Variants in RNF144B observed in about 807,000 individuals in gnomAD.
The protein encoded by RNF144B is ring finger protein 144B.
A neutral mutation model predicts 40.2 loss-of-function variants in RNF144B; 25 were observed. The ratio of observed to expected loss-of-function variants is 0.62; its 90% CI spans 0.45 to 0.87. RNF144B has a LOEUF of 0.87. Ranked by LOEUF, RNF144B falls within the 40% of genes least tolerant of loss-of-function variation. The pLI, the probability that RNF144B is intolerant of heterozygous loss-of-function variation, is 0.00. For missense variants in RNF144B, 365 were observed against 373.7 expected, an observed-to-expected ratio of 0.98 and a Z score of 0.19; for synonymous variants, 145 against 136.3, an observed-to-expected ratio of 1.06 and a Z score of -0.44.
In RNF144B at chr6:18,465,589, G is replaced by C. The variant is rs1456262960; in HGVS notation, c.*522G>C. 6.5e-6 allele frequency: 1 copy of C among 152,800 alleles called. No homozygotes were observed. The highest frequency in any genetic ancestry group is 2.4e-5 in the African/African-American group (1 of 41,460). The allele number at this position is 152,800 out of a possible 1,614,324, so 9.5% of individuals were successfully genotyped here. On this transcript the variant is annotated 3_prime_UTR_variant, in exon 8 of 8. Transcript: ENST00000259939. ...GCTGATCTCAGCAGTTGATATGGTG[G>C]TTGTGCCTCTGCTGGCTACTGGGTG...
chr6:18,403,180 G>A (rs1181819810), intron 2 of RNF144B, among the ~76,000 whole-genome samples: 1 of 152,134 alleles, frequency 6.6e-6, no homozygotes, highest in East Asian at 1.9e-4. Flanking sequence ...TTTGCAATGC[G>A]TTCTTTCAGA....
In RNF144B at chr6:18,395,343, G is replaced by C. The variant is rs1192201333; in HGVS notation, c.-36-4156G>C. Among the ~76,000 whole-genome samples, 1 of 152,152 alleles carries C rather than the reference G, an allele frequency of 6.6e-6. No homozygotes were observed. The highest frequency in any genetic ancestry group is 6.5e-5 in the Admixed American group (1 of 15,280). ...ATGGGAGGGACAGGAGGAGCTGGGA[G>C]TGTGTTATCAAATGCCCTGAGCTTC... On this transcript the variant is annotated intron_variant, in intron 1 of 7. Transcript: ENST00000259939. The surrounding 1 kb of genome is among the most constrained non-coding windows in gnomAD (Gnocchi z 4.5).
In RNF144B at chr6:18,415,275, C is replaced by T. The variant is rs181216628; in HGVS notation, c.166-12306C>T. On this transcript the variant is annotated intron_variant, in intron 2 of 7. Transcript: ENST00000259939. ...TTTTGTGTTGATATAACAAAATACG[C>T]GAGACTAGGTAATTTATCAACAACA... Among the ~76,000 whole-genome samples, 469 of 152,208 alleles carry T rather than the reference C, an allele frequency of 3.1e-3. 2 individuals are homozygous for T. The highest frequency in any genetic ancestry group is 0.01 in the Middle Eastern group (3 of 294).
intron 4 of RNF144B, among the ~76,000 whole-genome samples, chr6:18,453,914 A>G (rs1396366274): frequency 6.6e-6 from 1 of 152,214 alleles, no homozygotes; most frequent in Non-Finnish European, 1.5e-5. Context: ...ATGCCTGCCT[A>G]AAAGTGACTT....
intron 1 of RNF144B, 88 bp from the exon 2 acceptor site, chr6:18,399,411 G>A: frequency 9.6e-6 from 9 of 937,150 alleles, no homozygotes; most frequent in Non-Finnish European, 1.4e-5. Flanking sequence ...CTGAGGGTGA[G>A]AATTTGATCA....
At chr6:18,436,344 G>A (rs515750) in intron 3 of RNF144B, among the ~76,000 whole-genome samples, 31,983 of 152,080 alleles carry the variant, frequency 0.21, 3,393 homozygotes, top group East Asian at 0.25. Flanking sequence ...TACCTGGATT[G>A]GATCTTAGAC....
At position 18,446,397 on chromosome 6, in the gene RNF144B, A is replaced by C. The variant is rs1380054562; in HGVS notation, c.331+6653A>C. ...CTGTGCTCAGATATCTTTTCAGTGG[A>C]ATCTGGCCAGATTTCTATGTCTGGA... On this transcript the variant is annotated intron_variant, in intron 4 of 7. Coordinates refer to ENST00000259939, the MANE Select transcript of RNF144B (RefSeq NM_182757.4). This position sits in a 1 kb window ranked among gnomAD's most constrained non-coding sequence, Gnocchi z 4.7. 6.6e-6 allele frequency among the ~76,000 whole-genome samples: 1 copy of C among 152,048 alleles called. No individual in the cohort carries two copies. The highest frequency in any genetic ancestry group is 1.5e-5 in the Non-Finnish European group (1 of 68,000).
At position 18,406,858 on chromosome 6, in the gene RNF144B, G is replaced by A. The variant is rs1582405354; in HGVS notation, c.165+7159G>A. 6.6e-6 allele frequency among the ~76,000 whole-genome samples: 1 copy of A among 152,102 alleles called. No homozygotes were observed. The highest frequency in any genetic ancestry group is 1.9e-4 in the East Asian group (1 of 5,194). On this transcript the variant is annotated intron_variant, in intron 2 of 7. Transcript: ENST00000259939. This position sits in a 1 kb window ranked among gnomAD's most constrained non-coding sequence, Gnocchi z 4.2. ...ATACCTGAGATCTATAAAGGAAGGA[G>A]GTTTAATTGACTCACAGTTCTGCAT...
chr6:18,464,100 C>T lies in RNF144B; in HGVS notation c.771+720C>T, dbSNP rs984337472. The stretch of plus-strand genomic sequence containing the variant: ...AGGCAGTGCTCTAAAACCCTGTGAG[C>T]CCCTTCTAGGGCTTAGATCCCTGTG... On this transcript the variant is annotated intron_variant, in intron 7 of 7. Coordinates refer to ENST00000259939, the MANE Select transcript of RNF144B (RefSeq NM_182757.4). The surrounding 1 kb of genome is among the most constrained non-coding windows in gnomAD (Gnocchi z 6.1). 6.6e-6 allele frequency among the ~76,000 whole-genome samples: 1 copy of T among 152,142 alleles called. No individual in the cohort carries two copies. The highest frequency in any genetic ancestry group is 1.5e-5 in the Non-Finnish European group (1 of 68,024).
At position 18,405,378 on chromosome 6, in the gene RNF144B, T is replaced by C. The variant is rs1794883144; in HGVS notation, c.165+5679T>C. 6.6e-6 allele frequency among the ~76,000 whole-genome samples: 1 copy of C among 152,016 alleles called. No homozygotes were observed. The highest frequency in any genetic ancestry group is 2.4e-5 in the African/African-American group (1 of 41,384). The stretch of plus-strand genomic sequence containing the variant: ...TTTTAGTTGAGTTGGGGTTTCACTA[T>C]GTAGGTCAGGCTGGTCTTGAACTCC... On this transcript the variant is annotated intron_variant, in intron 2 of 7. Coordinates refer to ENST00000259939, the MANE Select transcript of RNF144B (RefSeq NM_182757.4). This position sits in a 1 kb window ranked among gnomAD's most constrained non-coding sequence, Gnocchi z 4.5.
chr6:18,438,969 G>T (rs1758888153), intron 3 of RNF144B, among the ~76,000 whole-genome samples: 1 of 152,162 alleles, frequency 6.6e-6, no homozygotes, highest in Non-Finnish European at 1.5e-5. Context: ...TTTAAGAGCA[G>T]TTAGCTTTTC....
chr6:18,465,177 T>A lies in RNF144B; in HGVS notation c.*110T>A. 1.3e-5 allele frequency: 15 copies of A among 1,139,500 alleles called. No homozygotes were observed. The highest frequency in any genetic ancestry group is 1.9e-5 in the Non-Finnish European group (15 of 797,346). 70.6% of individuals were successfully genotyped at this position (1,139,500 alleles called of 1,614,324 possible). A position where few individuals can be genotyped will look rare whatever the true frequency, so the allele number is the denominator to read the frequency against. ...TCTCCTTGCCAACTTTGAAAGTGCC[T>A]CCGTGTCCAGACTTTGAACTTGCCT... On this transcript the variant is annotated 3_prime_UTR_variant, in exon 8 of 8. Transcript: ENST00000259939.
At chr6:18,407,930 A>G (rs1003250367) in intron 2 of RNF144B, among the ~76,000 whole-genome samples, 2 of 148,930 alleles carry the variant, frequency 1.3e-5, no homozygotes, top group Non-Finnish European at 3.0e-5. Context: ...GAATTTCCTC[A>G]TTTGTAAAAA....
At chr6:18,439,296 A>G (rs1437578174) in intron 3 of RNF144B, among the ~76,000 whole-genome samples, 2 of 152,178 alleles carry the variant, frequency 1.3e-5, no homozygotes, top group Non-Finnish European at 2.9e-5. Flanking sequence ...TCAGGATTCC[A>G]AAGCTAGAAC....
In RNF144B at chr6:18,460,834, T is replaced by C. The variant is rs1759435456; in HGVS notation, c.681+1083T>C. Among the ~76,000 whole-genome samples, 2 of 152,198 alleles carry C rather than the reference T, an allele frequency of 1.3e-5. No homozygotes were observed. The highest frequency in any genetic ancestry group is 2.1e-4 in the South Asian group (1 of 4,832). On this transcript the variant is annotated intron_variant, in intron 6 of 7. Transcript: ENST00000259939. The surrounding 1 kb of genome is among the most constrained non-coding windows in gnomAD (Gnocchi z 4.4). Reference sequence around the variant, plus strand: ...GATGCAAAGAGTTGGTGAGAAGGTCTTACTTCACTTCTGGTCTTTTAAAGT... The same window carrying C: ...GATGCAAAGAGTTGGTGAGAAGGTCCTACTTCACTTCTGGTCTTTTAAAGT...
At position 18,406,034 on chromosome 6, in the gene RNF144B, G is replaced by A; in HGVS notation, c.165+6335G>A. The A allele has an allele frequency of 1.9e-6, 1 of 518,720 alleles. No individual in the cohort carries two copies. Among genetic ancestry groups the A allele is most frequent in the Non-Finnish European group, 3.8e-6 (1 of 259,748 alleles). 32.1% of individuals were successfully genotyped at this position (518,720 alleles called of 1,614,324 possible). The stretch of plus-strand genomic sequence containing the variant: ...TGGCATTTAAGAGAATGGGTCTCAA[G>A]TTTGGTAGCTTAGGCTTTATTTATT... On this transcript the variant is annotated intron_variant, in intron 2 of 7. Coordinates refer to ENST00000259939, the MANE Select transcript of RNF144B (RefSeq NM_182757.4). The surrounding 1 kb of genome is among the most constrained non-coding windows in gnomAD (Gnocchi z 4.2).
intron 1 of RNF144B, among the ~76,000 whole-genome samples, chr6:18,390,356 G>A (rs933385606): frequency 1.3e-5 from 2 of 152,044 alleles, no homozygotes; most frequent in African/African-American, 4.8e-5. Flanking sequence ...TTACCCAGTC[G>A]GTGAGTACTT....
chr6:18,423,250 G>A (rs1429287895), intron 2 of RNF144B, among the ~76,000 whole-genome samples: 1 of 152,144 alleles, frequency 6.6e-6, no homozygotes, highest in Non-Finnish European at 1.5e-5. Context: ...TAGCTAGAGA[G>A]GTTAATGACT....
intron 2 of RNF144B, among the ~76,000 whole-genome samples, chr6:18,409,119 G>C (rs956062516): frequency 8.6e-5 from 13 of 151,660 alleles, no homozygotes; most frequent in African/African-American, 2.7e-4. Context: ...GGCTAGGTGT[G>C]GTGTCTCATG....
Sources: gnomAD v4.1 joint callset for allele counts (sites outside exome capture counted in the v4.1 genomes callset) on GRCh38, gnomAD v4.1.1 for gene constraint, Gnocchi (gnomAD v3.1) non-coding constraint, MANE v1.5 for transcripts, NCBI Gene and HGNC (gene_info 2026-07-23, HGNC 2026-07-21) for gene names.